Variants in SIAH3 observed in about 807,000 individuals in gnomAD.
The protein encoded by SIAH3 is siah E3 ubiquitin protein ligase family member 3, also known as seven in absentia homolog 3.
A neutral mutation model predicts 12.6 loss-of-function variants in SIAH3; 9 were observed. That is an observed-to-expected ratio of 0.72 (90% CI 0.43 to 1.25). The LOEUF is 1.25. Ranked by LOEUF, SIAH3 falls within the 50% of genes most tolerant of loss-of-function variation. SIAH3 has a pLI of 0.00. For synonymous variants in SIAH3, 154 were observed against 151.1 expected (o/e 1.02, Z -0.14); for missense variants, 390 against 365.4 (o/e 1.07, Z -0.55).
chr13:45,801,105 C>A, intron 1 of SIAH3, among the ~76,000 whole-genome samples: 1 of 135,766 alleles, frequency 7.4e-6, no homozygotes, highest in Non-Finnish European at 1.6e-5. Context: ...CGGGGGGGGG[C>A]ATGGCTGTAG....
At position 45,783,762 on chromosome 13, in the gene SIAH3, A is replaced by G; in HGVS notation, c.431T>C (p.Leu144Pro). 1 of 1,614,214 alleles carries G rather than the reference A, an allele frequency of 6.2e-7. No homozygotes were observed. The highest frequency in any genetic ancestry group is 1.1e-5 in the South Asian group (1 of 91,086). Residue 144 changes from leucine to proline, a missense_variant, in exon 2 of 2, where the codon CTG becomes CCG. By Grantham distance (98) the Leu-to-Pro change is moderately conservative (BLOSUM62 -3). Transcript: ENST00000400405. ...CGCGGGGAGGTGCATGTCCGTGGCC[A>G]GGAAGACGATCTCGGCTCCCTGGAG... ...DILQGAEIVF[L>P]ATDMHLPAPA...
chr13:45,850,007 C>T (rs1192657646), intron 1 of SIAH3, among the ~76,000 whole-genome samples: 2 of 152,070 alleles, frequency 1.3e-5, no homozygotes, highest in African/African-American at 4.8e-5. Flanking sequence ...CCAAGGATGA[C>T]TGGTAGTAAA....
chr13:45,811,658 G>A (rs536059259), intron 1 of SIAH3, among the ~76,000 whole-genome samples: 8 of 152,152 alleles, frequency 5.3e-5, no homozygotes, highest in Non-Finnish European at 1.2e-4. Context: ...CACTTCTAAT[G>A]AAACTCACAG....
chr13:45,797,499 T>C (rs1950567267), intron 1 of SIAH3, among the ~76,000 whole-genome samples: 1 of 152,016 alleles, frequency 6.6e-6, no homozygotes, highest in African/African-American at 2.4e-5. Flanking sequence ...CCTGCCCTTG[T>C]AGAAATCTCT....
intron 1 of SIAH3, 25 bp from the exon 2 acceptor site, chr13:45,784,082 G>A: frequency 6.5e-7 from 1 of 1,540,282 alleles, no homozygotes; most frequent in Non-Finnish European, 8.7e-7. Context: ...AAGAACGTCA[G>A]TGCGGGGATG....
At chr13:45,801,314 A>AG (rs1950581751) in intron 1 of SIAH3, among the ~76,000 whole-genome samples, 1 of 152,150 alleles carries the variant, frequency 6.6e-6, no homozygotes, top group Admixed American at 6.5e-5. Flanking sequence ...TGGATAGTGA[A>AG]GGGATGAGAG....
intron 1 of SIAH3, among the ~76,000 whole-genome samples, chr13:45,793,952 A>T (rs1465909105): frequency 6.6e-6 from 1 of 152,266 alleles, no homozygotes; most frequent in East Asian, 1.9e-4. Flanking sequence ...GAAGACACGG[A>T]TGCAGAGAAG....
At chr13:45,808,589 G>A (rs1200028898) in intron 1 of SIAH3, among the ~76,000 whole-genome samples, 1 of 152,096 alleles carries the variant, frequency 6.6e-6, no homozygotes, top group Non-Finnish European at 1.5e-5. Flanking sequence ...AATACATTCT[G>A]TGTAGTTATA....
chr13:45,850,256 G>T (rs1182986959), intron 1 of SIAH3, among the ~76,000 whole-genome samples: 1 of 152,068 alleles, frequency 6.6e-6, no homozygotes, highest in Non-Finnish European at 1.5e-5. Context: ...GCTGTCTTTC[G>T]GCGGAACTTC....
intron 1 of SIAH3, among the ~76,000 whole-genome samples, chr13:45,811,418 T>G (rs1272791163): frequency 1.3e-5 from 2 of 152,198 alleles, no homozygotes; most frequent in Non-Finnish European, 2.9e-5. Context: ...AATAGAACGT[T>G]TTGAAAGGGT....
At chr13:45,795,751 G>A (rs1243718702) in intron 1 of SIAH3, among the ~76,000 whole-genome samples, 1 of 152,092 alleles carries the variant, frequency 6.6e-6, no homozygotes, top group African/African-American at 2.4e-5. Context: ...ACAAATATGA[G>A]CATTATGTGA....
intron 1 of SIAH3, among the ~76,000 whole-genome samples, chr13:45,807,205 C>T (rs1019850759): frequency 1.3e-5 from 2 of 151,054 alleles, no homozygotes; most frequent in Non-Finnish European, 2.9e-5. Flanking sequence ...CTATTCAATA[C>T]GATGATTCAC....
At chr13:45,844,690 C>A (rs1374663764) in intron 1 of SIAH3, among the ~76,000 whole-genome samples, 1 of 152,186 alleles carries the variant, frequency 6.6e-6, no homozygotes, top group African/African-American at 2.4e-5. Context: ...AGAACCCTGA[C>A]TAATACATAT....
At chr13:45,821,562 A>C (rs1950655860) in intron 1 of SIAH3, among the ~76,000 whole-genome samples, 1 of 152,254 alleles carries the variant, frequency 6.6e-6, no homozygotes, top group South Asian at 2.1e-4. Context: ...TGCCATCAAA[A>C]AAATTTGGTG....
chr13:45,799,505 C>T (rs1452574134), intron 1 of SIAH3, among the ~76,000 whole-genome samples: 1 of 152,220 alleles, frequency 6.6e-6, no homozygotes. Flanking sequence ...AAGCACATCA[C>T]ATGCCTCATC....
intron 1 of SIAH3, among the ~76,000 whole-genome samples, chr13:45,830,263 T>G (rs1186087607): frequency 2.0e-5 from 3 of 152,184 alleles, no homozygotes; most frequent in Non-Finnish European, 4.4e-5. Flanking sequence ...ATCCAAGTTC[T>G]GTCTAAAGTC....
Position 45,783,635 on chromosome 13 carries a change from G to A in SIAH3, c.558C>T (p.Thr186=), listed in dbSNP as rs531526018. The part of the protein sequence containing the change: ...RHEGHPQFFA[T]MMLIGTPTQA... ...GGGTGGGGGTCCCAATCAGCATCAT[G>A]GTGGCAAAGAACTGGGGGTGCCCTT... Residue 186 remains threonine (T), a synonymous_variant, in exon 2 of 2, where the codon ACC becomes ACT. Coordinates refer to ENST00000400405, the MANE Select transcript of SIAH3 (RefSeq NM_198849.3). 1.2e-6 allele frequency: 2 copies of A among 1,614,168 alleles called. No individual in the cohort carries two copies. The highest frequency in any genetic ancestry group is 1.3e-5 in the African/African-American group (1 of 75,072).
At chr13:45,820,879 G>A (rs528183189) in intron 1 of SIAH3, among the ~76,000 whole-genome samples, 17 of 152,224 alleles carry the variant, frequency 1.1e-4, no homozygotes, top group African/African-American at 3.6e-4. Context: ...CCTGCCCTCT[G>A]GCCCTCTGCA....
In SIAH3 at chr13:45,808,642, G is replaced by A. The variant is rs529361514; in HGVS notation, c.136-24585C>T. ...AATATTGTATATTTTGTTATTATTT[G>A]TAAATTGTATTACACATACTTTATA... On this transcript the variant is annotated intron_variant, in intron 1 of 1. Coordinates refer to ENST00000400405, the MANE Select transcript of SIAH3 (RefSeq NM_198849.3). Among the ~76,000 whole-genome samples, 14 of 152,252 alleles carry A rather than the reference G, an allele frequency of 9.2e-5. No homozygotes were observed. In the East Asian group the frequency reaches 2.7e-3, roughly 29 times the overall value.
Sources: gnomAD v4.1 joint callset for allele counts (sites outside exome capture counted in the v4.1 genomes callset) on GRCh38, gnomAD v4.1.1 for gene constraint, MANE v1.5 for transcripts, NCBI Gene and HGNC (gene_info 2026-07-23, HGNC 2026-07-21) for gene names.